The following SLC13A3 variants were observed in gnomAD, a reference collection of about 807,000 sequenced individuals.
SLC13A3 encodes the protein Na(+)/dicarboxylate cotransporter 3.
SLC13A3 carries 40 observed loss-of-function variants against 59.0 expected under a neutral mutation model. The observed-to-expected ratio is 0.68, with a 90% CI of 0.53 to 0.88. The LOEUF (loss-of-function observed/expected upper bound fraction) is 0.88, where lower values mean the gene tolerates loss of function less well. Among genes scored for constraint, SLC13A3 ranks in the 40% least tolerant of loss-of-function variants. The pLI is 0.00. For missense variants in SLC13A3, 699 were observed against 783.2 expected (o/e 0.89, Z 1.28); for synonymous variants, 317 against 330.3 (o/e 0.96, Z 0.44).
intron 3 of SLC13A3, among the ~76,000 whole-genome samples, chr20:46,601,843 G>A (rs2062383554): frequency 6.6e-6 from 1 of 152,118 alleles, no homozygotes; most frequent in Non-Finnish European, 1.5e-5. Flanking sequence ...GGAGCTGCAG[G>A]GGCCAGAGGG....
rs866518022 is a variant in SLC13A3, at chr20:46,613,857, C to T, written c.112-132G>A. The T allele has an allele frequency of 5.5e-4, 428 of 774,160 alleles. 4 individuals carry two copies. The highest frequency in any genetic ancestry group is 1.2e-3 in the South Asian group (62 of 51,582). 48.0% of individuals were successfully genotyped at this position (774,160 alleles called of 1,614,324 possible). Reference sequence around the variant, plus strand: ...AGGGGGAAGGAGGCCTGCGGCAGGGCCTGCCCCGGCTTGTTCTCAGGGCAG... The same window carrying T: ...AGGGGGAAGGAGGCCTGCGGCAGGGTCTGCCCCGGCTTGTTCTCAGGGCAG... On this transcript the variant is annotated intron_variant, in intron 1 of 12. Coordinates refer to ENST00000279027, the MANE Select transcript of SLC13A3 (RefSeq NM_022829.6).
intron 1 of SLC13A3, among the ~76,000 whole-genome samples, chr20:46,614,043 C>G (rs927643046): frequency 6.6e-6 from 1 of 152,106 alleles, no homozygotes; most frequent in Non-Finnish European, 1.5e-5. Context: ...GAGATAAAGA[C>G]GAGAATGAAA....
At chr20:46,595,932 A>G (rs1195696648) in intron 5 of SLC13A3, among the ~76,000 whole-genome samples, 1 of 151,982 alleles carries the variant, frequency 6.6e-6, no homozygotes, top group East Asian at 1.9e-4. Flanking sequence ...AACTTATCAC[A>G]CAGATATATT....
intron 1 of SLC13A3, among the ~76,000 whole-genome samples, chr20:46,679,278 C>T (rs962143195): frequency 1.3e-5 from 2 of 152,128 alleles, no homozygotes; most frequent in African/African-American, 2.4e-5. Flanking sequence ...AAGGGTAGGC[C>T]GGGTGCCATG....
intron 1 of SLC13A3, among the ~76,000 whole-genome samples, chr20:46,684,112 A>T (rs1047920076): frequency 6.6e-6 from 1 of 152,126 alleles, no homozygotes; most frequent in African/African-American, 2.4e-5. Flanking sequence ...CGGCCACACC[A>T]GCCTTGCTGT....
In SLC13A3 at chr20:46,588,913, G is replaced by A. The variant is rs148170077; in HGVS notation, c.1016+247C>T. Among the ~76,000 whole-genome samples, 1,092 of 152,310 alleles carry A rather than the reference G, an allele frequency of 7.2e-3. 9 individuals carry two copies. The highest frequency in any genetic ancestry group is 0.012 in the Non-Finnish European group (783 of 68,024). On this transcript the variant is annotated intron_variant, in intron 7 of 12. Coordinates refer to ENST00000279027, the MANE Select transcript of SLC13A3 (RefSeq NM_022829.6). The stretch of plus-strand genomic sequence containing the variant: ...CCGGGAGGGAAACGGTGCCTTGGGT[G>A]GAAGGTAGCAGATCCCACTGTAAGT...
At chr20:46,643,869 C>T (rs2062869020) in intron 1 of SLC13A3, among the ~76,000 whole-genome samples, 1 of 152,008 alleles carries the variant, frequency 6.6e-6, no homozygotes, top group South Asian at 2.1e-4. Context: ...ATGACTCCAT[C>T]TCTACAAAAA....
upstream of SLC13A3, among the ~76,000 whole-genome samples, chr20:46,670,460 T>C (rs923824787): frequency 3.3e-5 from 5 of 152,172 alleles, no homozygotes; most frequent in African/African-American, 1.2e-4. Context: ...GTAACTTGCT[T>C]TGGCCAATGG....
At chr20:46,591,627 T>C (rs1433336833) in intron 6 of SLC13A3, among the ~76,000 whole-genome samples, 1 of 152,190 alleles carries the variant, frequency 6.6e-6, no homozygotes, top group African/African-American at 2.4e-5. Flanking sequence ...GACTTTCTCC[T>C]CAACGTAAGT....
At position 46,596,331 on chromosome 20, in the gene SLC13A3, GGGTGGTCTTTGCT is replaced by G. The variant is rs1322995249; in HGVS notation, c.609-2_619del. ...ATCCAGTGGAACCTCTGTCTCCCCA[GGGTGGTCTTTGCT>G]TTAAACAAATCCAAAGAGAAGCCAT... On this transcript the variant is annotated splice_acceptor_variant and coding_sequence_variant, in exon 5 of 13. Coordinates refer to ENST00000279027, the MANE Select transcript of SLC13A3 (RefSeq NM_022829.6). LOFTEE classifies it high-confidence loss of function. 6.2e-7 allele frequency: 1 copy of G among 1,614,080 alleles called. No homozygotes were observed.
chr20:46,676,728 A>C (rs1359801488), intron 1 of SLC13A3, among the ~76,000 whole-genome samples: 1 of 151,790 alleles, frequency 6.6e-6, no homozygotes, highest in African/African-American at 2.4e-5. Context: ...CTGGGACTAC[A>C]GGCATGCACC....
chr20:46,612,123 G>GTTTTTT (rs1568936280), intron 2 of SLC13A3, among the ~76,000 whole-genome samples: 5 of 68,884 alleles, frequency 7.3e-5, no homozygotes, highest in African/African-American at 2.3e-4. Context: ...CTCTCTCTTT[G>GTTTTTT]CTTTTTTTTT....
intron 9 of SLC13A3, among the ~76,000 whole-genome samples, chr20:46,578,731 A>C (rs1409535821): frequency 6.6e-6 from 1 of 152,082 alleles, no homozygotes; most frequent in Non-Finnish European, 1.5e-5. Context: ...AAAATAAAAT[A>C]AGGTAAAGGA....
chr20:46,571,732 G>C (rs908405566), intron 10 of SLC13A3, among the ~76,000 whole-genome samples: 4 of 152,094 alleles, frequency 2.6e-5, no homozygotes, highest in African/African-American at 9.7e-5. Flanking sequence ...GGAATAGGCA[G>C]GGTCATGAGA....
At position 46,580,081 on chromosome 20, in the gene SLC13A3, A is replaced by G. The variant is rs73622675; in HGVS notation, c.1219+3491T>C. Among the ~76,000 whole-genome samples, 3 of 151,908 alleles carry G rather than the reference A, an allele frequency of 2.0e-5. No homozygotes were observed. The East Asian group carries it at 5.8e-4, about 29-fold the overall frequency. On this transcript the variant is annotated intron_variant, in intron 9 of 12. Transcript: ENST00000279027. The stretch of plus-strand genomic sequence containing the variant: ...AGCAATTCTTCTGCCTCAGCCTCCC[A>G]AGTAGCTGGGGTTACAGGTATGTGC...
In SLC13A3 at chr20:46,559,958, A is replaced by G; in HGVS notation, c.*64T>C. ...TTATTTGATTGTTTTGTAGTGTCCT[A>G]GCAGCAGGTGATGGTGACAGCCCTT... is the stretch of plus-strand genomic sequence containing the variant. On this transcript the variant is annotated 3_prime_UTR_variant, in exon 13 of 13. Coordinates refer to ENST00000279027, the MANE Select transcript of SLC13A3 (RefSeq NM_022829.6). 2 of 1,482,448 alleles carry G rather than the reference A, an allele frequency of 1.3e-6. No homozygotes were observed. Among genetic ancestry groups the G allele is most frequent in the Non-Finnish European group, 1.9e-6 (2 of 1,067,788 alleles). 91.8% of individuals were successfully genotyped at this position (1,482,448 alleles called of 1,614,324 possible). A position where few individuals can be genotyped will look rare whatever the true frequency, so the allele number is the denominator to read the frequency against.
intron 1 of SLC13A3, among the ~76,000 whole-genome samples, chr20:46,643,525 G>T (rs1287551593): frequency 2.0e-5 from 3 of 152,174 alleles, no homozygotes; most frequent in Non-Finnish European, 4.4e-5. Context: ...AAGCCAGAGC[G>T]CTGGGAGCAG....
intron 1 of SLC13A3, among the ~76,000 whole-genome samples, chr20:46,659,718 C>CA (rs942977438): frequency 1.3e-5 from 2 of 148,604 alleles, no homozygotes; most frequent in East Asian, 2.0e-4. Flanking sequence ...CCTATCCCCC[C>CA]CCCCCAAAAA....
chr20:46,585,608 GAT>G, intron 8 of SLC13A3: 1 of 1,205,820 alleles, frequency 8.3e-7, no homozygotes, highest in Non-Finnish European at 1.1e-6. Flanking sequence ...ATAACAGCGT[GAT>G]CACAATGTAG....
Sources: gnomAD v4.1 joint callset for allele counts (sites outside exome capture counted in the v4.1 genomes callset) on GRCh38, gnomAD v4.1.1 for gene constraint, MANE v1.5 for transcripts, NCBI Gene and HGNC (gene_info 2026-07-23, HGNC 2026-07-21) for gene names.